Variants in ADCY5 observed in about 807,000 individuals in gnomAD.
ADCY5 encodes adenylate cyclase type 5.
In ADCY5, 30 loss-of-function variants were observed where a neutral mutation model predicts 119.7. That is an observed-to-expected ratio of 0.25 (90% CI 0.19 to 0.34). The LOEUF (loss-of-function observed/expected upper bound fraction) is 0.34, where lower values mean the gene tolerates loss of function less well. ADCY5 is among the 10% of genes least tolerant of loss of function. ADCY5 has a pLI of 1.00. For missense variants in ADCY5, 1,324 were observed against 1,775.2 expected, an observed-to-expected ratio of 0.75 and a Z score of 4.57; for synonymous variants, 753 against 762.2, an observed-to-expected ratio of 0.99 and a Z score of 0.20.
intron 1 of ADCY5, among the ~76,000 whole-genome samples, chr3:123,421,605 G>A (rs1270254627): frequency 6.6e-6 from 1 of 152,140 alleles, no homozygotes. Flanking sequence ...GTCACCCAAG[G>A]GTGGGTGGTA....
chr3:123,304,260 C>T lies in ADCY5; in HGVS notation c.2443-77G>A, dbSNP rs1160618886. The T allele has an allele frequency of 2.3e-5, 23 of 995,496 alleles. No individual in the cohort carries two copies. In the Admixed American group the frequency reaches 2.6e-4, roughly 11 times the overall value. The allele number at this position is 995,496 out of a possible 1,614,324, so 61.7% of individuals were successfully genotyped here. On this transcript the variant is annotated intron_variant, in intron 12 of 20. Coordinates refer to ENST00000462833, the MANE Select transcript of ADCY5 (RefSeq NM_183357.3). ...TCAGCAAGGACTCCACAAATGGTCC[C>T]GGGAGTGCAGTGGACCCACCTGTGT...
chr3:123,330,233 CT>C (rs2108398810), intron 5 of ADCY5, among the ~76,000 whole-genome samples: 1 of 152,336 alleles, frequency 6.6e-6, no homozygotes, highest in South Asian at 2.1e-4. Context: ...CCCTCTGTGC[CT>C]TTTTTCTCTG....
chr3:123,353,763 C>T (rs373474543), intron 1 of ADCY5, among the ~76,000 whole-genome samples: 15 of 152,220 alleles, frequency 9.9e-5, no homozygotes, highest in Non-Finnish European at 2.1e-4. Context: ...ACGCTCTTCT[C>T]TAGGGGCCTC....
chr3:123,346,590 C>G (rs1942563005), intron 3 of ADCY5, among the ~76,000 whole-genome samples: 1 of 128,480 alleles, frequency 7.8e-6, no homozygotes, highest in South Asian at 2.4e-4. Flanking sequence ...CTCACCCCTA[C>G]TGCTGTCAGC....
chr3:123,317,961 C>T, intron 11 of ADCY5, 59 bp downstream of exon 11: 2 of 1,491,026 alleles, frequency 1.3e-6, no homozygotes, highest in East Asian at 2.3e-5. Context: ...CCACCCCCTC[C>T]CACTCCTGGG....
chr3:123,291,324 A>C lies in ADCY5; in HGVS notation c.3116T>G (p.Leu1039Arg). 6.2e-7 allele frequency: 1 copy of C among 1,613,930 alleles called. No individual in the cohort carries two copies. The change falls in exon 18 of 21, where the codon CTG (leucine) becomes CGG (arginine). Residue 1039 changes from leucine to arginine, a missense_variant. Physicochemically the swap from Leu to Arg is moderately radical, Grantham distance 102 (BLOSUM62 -2). This residue lies in a region of ADCY5 where 178 missense variants were observed against 329.6 expected (regional missense o/e 0.54). Transcript: ENST00000462833. ...MEELQAYNRR[L>R]LHNILPKDVA... ...GTCCTTGGGCAGGATGTTGTGCAGC[A>C]GCCGCCGGTTGTAGGCCTGCAGCTC...
At chr3:123,289,101 A>G (rs1938967855) in intron 19 of ADCY5, among the ~76,000 whole-genome samples, 1 of 152,202 alleles carries the variant, frequency 6.6e-6, no homozygotes, top group Non-Finnish European at 1.5e-5. Flanking sequence ...TAATCATTTC[A>G]CGGTCACTAT....
chr3:123,447,384 CAG>C (rs1369983047), intron 1 of ADCY5, 26 bp downstream of exon 1: 1 of 1,507,264 alleles, frequency 6.6e-7, no homozygotes, highest in East Asian at 2.3e-5. Flanking sequence ...CCCCGCAATC[CAG>C]TCCCGGTGGC....
At chr3:123,426,592 A>G (rs1319794306) in intron 1 of ADCY5, among the ~76,000 whole-genome samples, 1 of 151,984 alleles carries the variant, frequency 6.6e-6, no homozygotes, top group Non-Finnish European at 1.5e-5. Context: ...CAGCCTCCCA[A>G]AGTGCTGGGA....
chr3:123,371,561 G>A (rs745893678), intron 1 of ADCY5, among the ~76,000 whole-genome samples: 60 of 152,338 alleles, frequency 3.9e-4, no homozygotes, highest in Admixed American at 1.3e-3. Context: ...AGTGGCACGC[G>A]GCCGGACCCA....
At chr3:123,318,168 G>A (rs1941025554) in intron 10 of ADCY5, 51 bp from the exon 11 acceptor site, 2 of 1,459,234 alleles carry the variant, frequency 1.4e-6, no homozygotes, top group Non-Finnish European at 1.9e-6. Context: ...GGCCCGGTCT[G>A]CTCCAGCCCT....
intron 1 of ADCY5, among the ~76,000 whole-genome samples, chr3:123,374,936 G>T (rs1442812560): frequency 6.6e-6 from 1 of 152,190 alleles, no homozygotes; most frequent in Non-Finnish European, 1.5e-5. Flanking sequence ...CACACTGAAG[G>T]GTTGAGAAGT....
At position 123,322,491 on chromosome 3, in the gene ADCY5, G is replaced by T. The variant is rs1439956215; in HGVS notation, c.2089-1720C>A. On this transcript the variant is annotated intron_variant, in intron 8 of 20. Coordinates refer to ENST00000462833, the MANE Select transcript of ADCY5 (RefSeq NM_183357.3). ...AGCGCCAGGTCGGCATGGCGAGTTG[G>T]TAACAGTACAGAAAATATACTGGTA... Among the ~76,000 whole-genome samples the T allele has an allele frequency of 2.0e-5, 3 of 152,136 alleles. No individual in the cohort carries two copies. The East Asian group carries it at 5.8e-4, about 29-fold the overall frequency.
chr3:123,443,856 G>A (rs1349317027), intron 1 of ADCY5, among the ~76,000 whole-genome samples: 1 of 152,104 alleles, frequency 6.6e-6, no homozygotes, highest in African/African-American at 2.4e-5. Flanking sequence ...CCCCATATTT[G>A]AACAGGACTC....
At chr3:123,335,457 G>A (rs1941975462) in intron 3 of ADCY5, among the ~76,000 whole-genome samples, 1 of 152,168 alleles carries the variant, frequency 6.6e-6, no homozygotes, top group Non-Finnish European at 1.5e-5. Context: ...ACCCCGTCAG[G>A]AAATGAGGAC....
At chr3:123,422,910 A>G (rs896003586) in intron 1 of ADCY5, among the ~76,000 whole-genome samples, 21 of 152,250 alleles carry the variant, frequency 1.4e-4, no homozygotes, top group Admixed American at 3.9e-4. Context: ...ACCACCCGAT[A>G]GGAGCGAGGA....
At chr3:123,360,176 A>C (rs1383111690) in intron 1 of ADCY5, among the ~76,000 whole-genome samples, 1 of 152,028 alleles carries the variant, frequency 6.6e-6, no homozygotes, top group Non-Finnish European at 1.5e-5. Context: ...GTTTCTGGTA[A>C]TCAAAGCTGC....
intron 1 of ADCY5, among the ~76,000 whole-genome samples, chr3:123,429,532 T>G (rs1945479731): frequency 7.0e-6 from 1 of 143,552 alleles, no homozygotes; most frequent in African/African-American, 2.6e-5. Context: ...CACCCCCACC[T>G]GCCAATCACG....
chr3:123,373,308 T>C (rs1943698789), intron 1 of ADCY5, among the ~76,000 whole-genome samples: 1 of 152,258 alleles, frequency 6.6e-6, no homozygotes, highest in South Asian at 2.1e-4. Flanking sequence ...GGAAGTCTGC[T>C]ATAAATCATC....
Sources: allele counts gnomAD v4.1 joint callset (sites outside exome capture counted in the v4.1 genomes callset), GRCh38; gene constraint gnomAD v4.1.1; regional missense constraint gnomAD v4.1.1; transcripts MANE v1.5; gene names NCBI Gene and HGNC (gene_info 2026-07-23, HGNC 2026-07-21).